BNC2: variants seen among roughly 807,000 people sequenced by gnomAD.
BNC2 encodes the protein basonuclin zinc finger protein 2.
In BNC2, 20 loss-of-function variants were observed where a neutral mutation model predicts 76.3. That is an observed-to-expected ratio of 0.26 (90% CI 0.18 to 0.38). The LOEUF (loss-of-function observed/expected upper bound fraction) is 0.38, where lower values mean the gene tolerates loss of function less well. BNC2 is among the 10% of genes least tolerant of loss of function. The pLI is 1.00. For missense variants in BNC2, 1,382 were observed against 1,399.8 expected (o/e 0.99, Z 0.20); for synonymous variants, 582 against 514.8 (o/e 1.13, Z -1.77).
intron 1 of BNC2, among the ~76,000 whole-genome samples, chr9:16,772,897 C>T (rs1825867307): frequency 6.6e-6 from 1 of 152,186 alleles, no homozygotes; most frequent in Non-Finnish European, 1.5e-5. Flanking sequence ...AAATCTTGTA[C>T]TAGCAGCCTA....
At chr9:16,700,291 A>G (rs1178419640) in intron 3 of BNC2, among the ~76,000 whole-genome samples, 2 of 152,164 alleles carry the variant, frequency 1.3e-5, no homozygotes, top group Admixed American at 1.3e-4. Context: ...GCTCATGCCT[A>G]TAATCCCAGC....
chr9:16,782,210 A>G (rs1190696398), intron 1 of BNC2, among the ~76,000 whole-genome samples: 1 of 152,014 alleles, frequency 6.6e-6, no homozygotes, highest in Non-Finnish European at 1.5e-5. Flanking sequence ...GCTGGGACCC[A>G]GGAGGCAGAG....
Position 16,850,065 on chromosome 9 carries a change from C to G in BNC2, c.3+20581G>C, listed in dbSNP as rs576169063. ...CTAGGTAGGTTATCTGTCAACCTCT[C>G]TAATTTCTTATCTAAGACCTATATA... On this transcript the variant is annotated intron_variant, in intron 1 of 6. Transcript: ENST00000380672. 6.6e-5 allele frequency among the ~76,000 whole-genome samples: 10 copies of G among 152,304 alleles called. No individual in the cohort carries two copies. The East Asian group carries it at 1.7e-3, about 26-fold the overall frequency.
Position 16,434,281 on chromosome 9 carries a change from G to A in BNC2, c.2639+1274C>T, listed in dbSNP as rs923599973. Among the ~76,000 whole-genome samples the A allele has an allele frequency of 2.0e-5, 3 of 152,104 alleles. No homozygotes were observed. In the East Asian group the frequency reaches 5.8e-4, roughly 29 times the overall value. On this transcript the variant is annotated intron_variant, in intron 6 of 6. Coordinates refer to ENST00000380672, the MANE Select transcript of BNC2 (RefSeq NM_017637.6). ...AAAAGGATTGATCTCCAAATATGAA[G>A]ACAAAACTGAATATTCCAGGGACAG...
intron 1 of BNC2, among the ~76,000 whole-genome samples, chr9:16,863,663 C>G (rs950174604): frequency 6.6e-6 from 1 of 152,144 alleles, no homozygotes; most frequent in Non-Finnish European, 1.5e-5. Context: ...CCACTGCACT[C>G]TAGTTTGGGC....
chr9:16,526,958 TAGAG>T (rs1161162466), intron 5 of BNC2, among the ~76,000 whole-genome samples: 1 of 152,258 alleles, frequency 6.6e-6, no homozygotes, highest in East Asian at 1.9e-4. Context: ...CAATGCCAAA[TAGAG>T]AGAGCAGTAG....
chr9:16,746,284 G>T (rs1003886972), intron 1 of BNC2, among the ~76,000 whole-genome samples: 3 of 152,034 alleles, frequency 2.0e-5, no homozygotes, highest in Non-Finnish European at 1.5e-5. Flanking sequence ...CTTCATATTG[G>T]CCATGTTGAA....
chr9:16,729,641 G>A (rs1470961588), intron 2 of BNC2, among the ~76,000 whole-genome samples: 1 of 152,156 alleles, frequency 6.6e-6, no homozygotes, highest in Non-Finnish European at 1.5e-5. Context: ...AAGAATTGTT[G>A]CCTTAAAATA....
At chr9:16,711,985 G>C (rs907258426) in intron 3 of BNC2, among the ~76,000 whole-genome samples, 1 of 152,150 alleles carries the variant, frequency 6.6e-6, no homozygotes, top group Non-Finnish European at 1.5e-5. Flanking sequence ...AAAGTAATTA[G>C]TACAAAATAC....
At chr9:16,455,159 A>G (rs1035686993) in intron 5 of BNC2, among the ~76,000 whole-genome samples, 2 of 152,228 alleles carry the variant, frequency 1.3e-5, no homozygotes, top group African/African-American at 4.8e-5. Flanking sequence ...GAACTGCCCA[A>G]TGGTGAAACT....
At chr9:16,870,329 C>G in intron 1 of BNC2, among the ~76,000 whole-genome samples, 1 of 152,194 alleles carries the variant, frequency 6.6e-6, no homozygotes, top group African/African-American at 2.4e-5. Context: ...GGAGCCTCCC[C>G]TAGCCAGCCG....
At chr9:16,716,474 C>T (rs1344524411) in intron 3 of BNC2, among the ~76,000 whole-genome samples, 1 of 152,090 alleles carries the variant, frequency 6.6e-6, no homozygotes, top group Non-Finnish European at 1.5e-5. Context: ...TACATGAAAG[C>T]AATTGCAAGG....
chr9:16,726,974 G>A (rs563099493), intron 3 of BNC2: 4 of 152,388 alleles, frequency 2.6e-5, no homozygotes, highest in South Asian at 4.1e-4. Context: ...CGCCGGCTCC[G>A]GTGATTAATT....
chr9:16,683,736 T>C (rs1822892918), intron 3 of BNC2, among the ~76,000 whole-genome samples: 1 of 152,220 alleles, frequency 6.6e-6, no homozygotes, highest in African/African-American at 2.4e-5. Flanking sequence ...GTATATGTAC[T>C]AGGTATTTCT....
chr9:16,614,087 C>T (rs539349600), intron 3 of BNC2, among the ~76,000 whole-genome samples: 4 of 152,242 alleles, frequency 2.6e-5, no homozygotes, highest in African/African-American at 4.8e-5. Context: ...TATATATTAA[C>T]ACTTGGGAAT....
In BNC2 at chr9:16,682,060, TG is replaced by T. The variant is rs377526159; in HGVS notation, c.330+45736del. Among the ~76,000 whole-genome samples the T allele has an allele frequency of 1.7e-3, 263 of 152,084 alleles. 2 individuals carry two copies. Among genetic ancestry groups the T allele is most frequent in the Middle Eastern group, 0.017 (5 of 294 alleles). ...AAAAAAGAGAGAGTGAACTTTTATT[TG>T]GGGGGATGTTGTGGATGTATCTGTG... is the stretch of plus-strand genomic sequence containing the variant. On this transcript the variant is annotated intron_variant, in intron 3 of 6. Coordinates refer to ENST00000380672, the MANE Select transcript of BNC2 (RefSeq NM_017637.6).
intron 5 of BNC2, among the ~76,000 whole-genome samples, chr9:16,524,185 G>A (rs1055452912): frequency 1.3e-5 from 2 of 152,188 alleles, no homozygotes; most frequent in African/African-American, 4.8e-5. Context: ...AAGGAAACCA[G>A]TAGCAACAGA....
At chr9:16,690,610 T>C (rs966639258) in intron 3 of BNC2, among the ~76,000 whole-genome samples, 8 of 152,182 alleles carry the variant, frequency 5.3e-5, no homozygotes, top group Non-Finnish European at 8.8e-5. Context: ...TTCATTGTTA[T>C]AGAGTCAGAT....
At chr9:16,703,077 A>G (rs1823561887) in intron 3 of BNC2, among the ~76,000 whole-genome samples, 1 of 152,160 alleles carries the variant, frequency 6.6e-6, no homozygotes, top group Non-Finnish European at 1.5e-5. Flanking sequence ...CTTATTAGAG[A>G]GATGTGATAC....
Sources: gnomAD v4.1 joint callset for allele counts (sites outside exome capture counted in the v4.1 genomes callset) on GRCh38, gnomAD v4.1.1 for gene constraint, MANE v1.5 for transcripts, NCBI Gene and HGNC (gene_info 2026-07-23, HGNC 2026-07-21) for gene names.